The following FBN2 variants were observed in gnomAD, a reference collection of about 807,000 sequenced individuals.
FBN2 encodes the protein fibrillin-2.
Under a neutral mutation model 355.6 loss-of-function variants are expected in FBN2, and 105 were observed. The ratio of observed to expected loss-of-function variants is 0.30; its 90% CI spans 0.25 to 0.35. The LOEUF is 0.35. Ranked by LOEUF, FBN2 falls within the 10% of genes least tolerant of loss-of-function variation. FBN2 has a pLI of 1.00. For missense variants in FBN2, 3,280 were observed against 3,758.7 expected (o/e 0.87, Z 3.33); for synonymous variants, 1,350 against 1,301.2 (o/e 1.04, Z -0.81).
At chr5:128,399,214 T>C (rs559627026) in intron 8 of FBN2, among the ~76,000 whole-genome samples, 1 of 152,254 alleles carries the variant, frequency 6.6e-6, no homozygotes, top group South Asian at 2.1e-4. Flanking sequence ...GCCATACCAC[T>C]GTGAAACTGC....
intron 6 of FBN2, among the ~76,000 whole-genome samples, chr5:128,455,990 CAA>C (rs70997371): frequency 1.5e-3 from 38 of 25,260 alleles, no homozygotes; most frequent in East Asian, 4.3e-3. Flanking sequence ...GGGTTAGCAA[CAA>C]AAAAAAAAAA....
In FBN2 at chr5:128,387,030, T is replaced by A. The variant is rs540330954; in HGVS notation, c.1603+4988A>T. On this transcript the variant is annotated intron_variant, in intron 11 of 64. Transcript: ENST00000262464. ...CAATAGGAATGAAACCAGCTCTTCT[T>A]TATACATCTGGCGGAATTTGTCTGT... is the stretch of plus-strand genomic sequence containing the variant. Among the ~76,000 whole-genome samples, 56 of 152,276 alleles carry A rather than the reference T, an allele frequency of 3.7e-4. No homozygotes were observed. The South Asian group carries it at 4.4e-3, about 12-fold the overall frequency.
At chr5:128,449,429 T>G (rs1344674624) in intron 6 of FBN2, among the ~76,000 whole-genome samples, 1 of 139,772 alleles carries the variant, frequency 7.2e-6, no homozygotes, top group Non-Finnish European at 1.6e-5. Flanking sequence ...TATATAATAG[T>G]ATACTGTATA....
chr5:128,519,160 G>C lies in FBN2; in HGVS notation c.628+113C>G, dbSNP rs138184979. On this transcript the variant is annotated intron_variant, in intron 5 of 64. Coordinates refer to ENST00000262464, the MANE Select transcript of FBN2 (RefSeq NM_001999.4). The stretch of plus-strand genomic sequence containing the variant: ...CATTCAACTTAGAGACATAATCAAA[G>C]AAGAGTAAAAATATAATTTCATTAG... 5.3e-5 allele frequency: 41 copies of C among 780,116 alleles called. No homozygotes were observed. In the African/African-American group the frequency reaches 5.4e-4, roughly 10 times the overall value. The allele number at this position is 780,116 out of a possible 1,614,324, so 48.3% of individuals were successfully genotyped here.
intron 35 of FBN2, 73 bp downstream of exon 35, chr5:128,318,806 G>T: frequency 6.6e-7 from 1 of 1,516,882 alleles, no homozygotes; most frequent in Non-Finnish European, 9.1e-7. Flanking sequence ...AGAAATCTCA[G>T]GAATTTTTAT....
chr5:128,320,509 C>T lies in FBN2; in HGVS notation c.4472-1508G>A, dbSNP rs369369510. On this transcript the variant is annotated intron_variant, in intron 34 of 64. Transcript: ENST00000262464. ...ATTAATAGGTGCGGGCCACCATGCC[C>T]GATCCATTTTACTTTTAAATGAACT... Among the ~76,000 whole-genome samples the T allele has an allele frequency of 2.6e-5, 4 of 152,154 alleles. 1 individual carries two copies. The highest frequency in any genetic ancestry group is 4.1e-4 in the South Asian group (2 of 4,820).
At chr5:128,390,256 G>A (rs1196703662) in intron 11 of FBN2, among the ~76,000 whole-genome samples, 4 of 152,214 alleles carry the variant, frequency 2.6e-5, no homozygotes, top group Non-Finnish European at 2.9e-5. Flanking sequence ...CTACAAGAAA[G>A]TTGGGGACTC....
At chr5:128,362,810 G>A (rs1415333451) in intron 18 of FBN2, among the ~76,000 whole-genome samples, 1 of 152,112 alleles carries the variant, frequency 6.6e-6, no homozygotes, top group African/African-American at 2.4e-5. Context: ...AGTGTAGTTA[G>A]TGACAAAAAG....
Position 128,378,891 on chromosome 5 carries a change from C to T in FBN2, c.1604-1G>A. ...GGATTTGATGTGCATTCATCAACAT[C>T]TGTGAGCAGCAAAAGAAACCATTAT... On this transcript the variant is annotated splice_acceptor_variant, in intron 11 of 64. Transcript: ENST00000262464. LOFTEE classifies it high-confidence loss of function. 6.2e-7 allele frequency: 1 copy of T among 1,612,994 alleles called. No homozygotes were observed. The highest frequency in any genetic ancestry group is 8.5e-7 in the Non-Finnish European group (1 of 1,179,198).
intron 33 of FBN2, among the ~76,000 whole-genome samples, chr5:128,330,246 A>G (rs1561773714): frequency 1.3e-5 from 2 of 152,374 alleles, no homozygotes; most frequent in East Asian, 3.9e-4. Flanking sequence ...TGGCATAGGC[A>G]AGATTTGAAT....
In FBN2 at chr5:128,324,955, T is replaced by C. The variant is rs184478388; in HGVS notation, c.4471+3741A>G. Among the ~76,000 whole-genome samples the C allele has an allele frequency of 2.9e-4, 44 of 152,272 alleles. No homozygotes were observed. The Middle Eastern group carries it at 0.01, about 35-fold the overall frequency. ...TCTTAACCCTGAGTTCTAATTTGGT[T>C]GCACTGTGGTCGGAGAGACTGTTTG... On this transcript the variant is annotated intron_variant, in intron 34 of 64. Transcript: ENST00000262464.
chr5:128,274,617 A>G lies in FBN2; in HGVS notation c.7661T>C (p.Phe2554Ser). Residue 2554 changes from phenylalanine (F) to serine (S), a missense_variant, in exon 60 of 65, where the codon TTT becomes TCT. Physicochemically the swap from Phe to Ser is radical, Grantham distance 155. This residue lies in a region of FBN2 where 2,284 missense variants were observed against 2,749.5 expected (regional missense o/e 0.83). Transcript: ENST00000262464. ...GAAACCAGGTGGACATTTACAGGTA[A>G]ACCCCCCCAGGGTGTTGACACAGAG... ...QFLCVNTLGG[F>S]TCKCPPGFTQ... 1 of 1,613,460 alleles carries G rather than the reference A, an allele frequency of 6.2e-7. No individual in the cohort carries two copies. The highest frequency in any genetic ancestry group is 8.5e-7 in the Non-Finnish European group (1 of 1,179,426).
chr5:128,367,925 A>G (rs1751816961), intron 16 of FBN2, among the ~76,000 whole-genome samples: 1 of 151,792 alleles, frequency 6.6e-6, no homozygotes, highest in African/African-American at 2.4e-5. Flanking sequence ...TCAAATCATT[A>G]TTTCCACGTT....
At position 128,272,107 on chromosome 5, in the gene FBN2, A is replaced by G. The variant is rs1427993096; in HGVS notation, c.7852T>C (p.Cys2618Arg). ...TGLNCEDVDE[C>R]DGNHRCQHGC... ...TGTTGGCACCTGTGGTTCCCATCAC[A>G]TTCATCAACATCTGCAAAAACAAGC... The change falls in exon 62 of 65, where the codon TGT becomes CGT. Residue 2618 changes from cysteine (C) to arginine (R), a missense_variant. By Grantham distance (180) the Cys-to-Arg change is radical. Around this residue, in one of 6 missense-constraint regions of FBN2, gnomAD observed 2,284 missense variants for 2,749.5 expected, o/e 0.83. Transcript: ENST00000262464. The G allele has an allele frequency of 6.2e-7, 1 of 1,614,042 alleles. No individual in the cohort carries two copies.
At chr5:128,491,829 A>C (rs1218149808) in intron 5 of FBN2, among the ~76,000 whole-genome samples, 2 of 152,204 alleles carry the variant, frequency 1.3e-5, no homozygotes, top group African/African-American at 4.8e-5. Context: ...ACAATTATTC[A>C]AATATTTATA....
chr5:128,533,862 TAA>T (rs923489265), intron 2 of FBN2, among the ~76,000 whole-genome samples: 17 of 145,482 alleles, frequency 1.2e-4, no homozygotes, highest in African/African-American at 4.3e-4. Flanking sequence ...CTAAGAAGAT[TAA>T]AAAAAAAAAG....
chr5:128,343,123 G>T (rs1048479682), intron 25 of FBN2, among the ~76,000 whole-genome samples: 1 of 152,162 alleles, frequency 6.6e-6, no homozygotes, highest in Non-Finnish European at 1.5e-5. Flanking sequence ...AATAGATGGG[G>T]GTGGAGGGTA....
rs779036257 is a variant in FBN2, at chr5:128,300,887, A to G, written c.6096T>C (p.Cys2032=). ...ALPGSCSPGT[C]QNLEGSFRCI... is the part of the protein sequence containing the mutation. The stretch of plus-strand genomic sequence containing the variant: ...ATCTGAAGGATCCCTCCAAATTCTG[A>G]CAGGTACCAGGAGAGCAAGAGCCGG... Residue 2032 remains cysteine, a synonymous_variant, in exon 48 of 65, where the codon TGT becomes TGC. Coordinates refer to ENST00000262464, the MANE Select transcript of FBN2 (RefSeq NM_001999.4). 6.2e-7 allele frequency: 1 copy of G among 1,613,820 alleles called. No individual in the cohort carries two copies. Among genetic ancestry groups the G allele is most frequent in the Non-Finnish European group, 8.5e-7 (1 of 1,179,728 alleles).
chr5:128,503,238 A>G (rs1755863818), intron 5 of FBN2, among the ~76,000 whole-genome samples: 1 of 152,218 alleles, frequency 6.6e-6, no homozygotes, highest in Non-Finnish European at 1.5e-5. Flanking sequence ...CCTCCCAGAC[A>G]TGTGGAAATG....
Sources: allele counts gnomAD v4.1 joint callset (sites outside exome capture counted in the v4.1 genomes callset), GRCh38; gene constraint gnomAD v4.1.1; regional missense constraint gnomAD v4.1.1; transcripts MANE v1.5; gene names NCBI Gene and HGNC (gene_info 2026-07-23, HGNC 2026-07-21).